Variants in NCAM2 observed in about 807,000 individuals in gnomAD.
NCAM2 encodes the protein neural cell adhesion molecule 2.
Under a neutral mutation model 98.1 loss-of-function variants are expected in NCAM2, and 30 were observed. That is an observed-to-expected ratio of 0.31 (90% confidence interval 0.23 to 0.41). NCAM2 has a LOEUF of 0.41. Ranked by LOEUF, NCAM2 falls within the 10% of genes least tolerant of loss-of-function variation. The pLI is 1.00. For missense variants in NCAM2, 867 were observed against 1,005.8 expected (o/e 0.86, Z 1.87); for synonymous variants, 368 against 342.4 (o/e 1.07, Z -0.83).
At chr21:21,069,777 TTTC>T (rs1425699586) in intron 1 of NCAM2, among the ~76,000 whole-genome samples, 3 of 152,070 alleles carry the variant, frequency 2.0e-5, no homozygotes, top group Non-Finnish European at 4.4e-5. Flanking sequence ...GAATTTTACG[TTTC>T]TTATTTCCAA....
chr21:21,157,735 A>G (rs942427556), intron 1 of NCAM2, among the ~76,000 whole-genome samples: 1 of 152,118 alleles, frequency 6.6e-6, no homozygotes, highest in Non-Finnish European at 1.5e-5. Flanking sequence ...CATTTTTACT[A>G]CACAGTTTCT....
intron 15 of NCAM2, among the ~76,000 whole-genome samples, chr21:21,496,550 C>T (rs1987251738): frequency 6.6e-6 from 1 of 151,990 alleles, no homozygotes; most frequent in East Asian, 1.9e-4. Context: ...TATTTTCCCC[C>T]GTTCTGTAGA....
intron 16 of NCAM2, among the ~76,000 whole-genome samples, chr21:21,513,618 G>T (rs762486682): frequency 6.6e-6 from 1 of 152,038 alleles, no homozygotes; most frequent in African/African-American, 2.4e-5. Flanking sequence ...CCTAACATAC[G>T]ATCTATTCTT....
At chr21:21,423,392 A>G (rs1253640630) in intron 11 of NCAM2, among the ~76,000 whole-genome samples, 2 of 152,202 alleles carry the variant, frequency 1.3e-5, no homozygotes, top group Non-Finnish European at 2.9e-5. Context: ...TTAGGTAGGT[A>G]TTATTATGGC....
intron 1 of NCAM2, among the ~76,000 whole-genome samples, chr21:21,278,814 A>T (rs1484526065): frequency 6.6e-6 from 1 of 152,086 alleles, no homozygotes; most frequent in Admixed American, 6.6e-5. Context: ...TTTTTGGTAA[A>T]TATTTTGTTG....
chr21:21,498,471 C>T (rs1987403309), intron 15 of NCAM2, among the ~76,000 whole-genome samples: 1 of 152,032 alleles, frequency 6.6e-6, no homozygotes, highest in East Asian at 1.9e-4. Flanking sequence ...ACCCATACAG[C>T]TCTCATTCAA....
At chr21:21,494,835 A>AT (rs948138453) in intron 15 of NCAM2, among the ~76,000 whole-genome samples, 2 of 151,854 alleles carry the variant, frequency 1.3e-5, no homozygotes, top group African/African-American at 4.8e-5. Context: ...TAAAATATTT[A>AT]TTTTTAAAAT....
chr21:21,518,219 G>A (rs1602544755), intron 16 of NCAM2, among the ~76,000 whole-genome samples: 1 of 151,910 alleles, frequency 6.6e-6, no homozygotes, highest in Non-Finnish European at 1.5e-5. Flanking sequence ...TTACTAGATT[G>A]TTTGTCTATG....
At chr21:21,211,761 A>G (rs1005078302) in intron 1 of NCAM2, among the ~76,000 whole-genome samples, 6 of 152,148 alleles carry the variant, frequency 3.9e-5, no homozygotes, top group Admixed American at 6.5e-5. Flanking sequence ...CTCTCATGGA[A>G]TATTAACTTC....
At chr21:21,091,413 T>A (rs2066009238) in intron 1 of NCAM2, among the ~76,000 whole-genome samples, 1 of 152,204 alleles carries the variant, frequency 6.6e-6, no homozygotes, top group Non-Finnish European at 1.5e-5. Flanking sequence ...TCAATTTTTT[T>A]AATTGACACA....
chr21:21,263,697 A>G (rs1601803891), intron 1 of NCAM2, among the ~76,000 whole-genome samples: 1 of 152,290 alleles, frequency 6.6e-6, no homozygotes, highest in East Asian at 1.9e-4. Context: ...ATGCAAAAAT[A>G]TAGCCACACA....
chr21:21,064,986 C>G (rs546448520), intron 1 of NCAM2, among the ~76,000 whole-genome samples: 1 of 151,968 alleles, frequency 6.6e-6, no homozygotes, highest in Non-Finnish European at 1.5e-5. Flanking sequence ...TCAAGAGCAG[C>G]CTGACCAACA....
At chr21:21,317,083 C>T (rs376210238) in intron 5 of NCAM2, among the ~76,000 whole-genome samples, 7 of 152,204 alleles carry the variant, frequency 4.6e-5, no homozygotes, top group East Asian at 1.9e-4. Context: ...ACCAAGCCCA[C>T]AGCTGCCCTT....
chr21:21,450,827 CACACACAT>C lies in NCAM2; in HGVS notation c.1655-15777_1655-15770del, dbSNP rs768765078. On this transcript the variant is annotated intron_variant, in intron 12 of 17. Transcript: ENST00000400546. ...ACACACACACACACACACACACACA[CACACACAT>C]ATCTCCTGTCACCAAAGGGGATTCC... Among the ~76,000 whole-genome samples, 1,025 of 150,330 alleles carry C rather than the reference CACACACAT, an allele frequency of 6.8e-3. 8 individuals are homozygous for C. The highest frequency in any genetic ancestry group is 0.024 in the African/African-American group (979 of 41,042).
chr21:21,216,350 G>A (rs947722900), intron 1 of NCAM2, among the ~76,000 whole-genome samples: 6 of 152,196 alleles, frequency 3.9e-5, no homozygotes, highest in Admixed American at 3.9e-4. Flanking sequence ...GGGTACTGCT[G>A]TGTTTTCAGG....
At chr21:21,336,000 A>G (rs1170774798) in intron 7 of NCAM2, among the ~76,000 whole-genome samples, 1 of 152,158 alleles carries the variant, frequency 6.6e-6, no homozygotes, top group Non-Finnish European at 1.5e-5. Context: ...CTTACAATAT[A>G]GTTCAAAAGG....
rs1990122230 is a variant in NCAM2, at chr21:21,538,942, T to C, written c.*985T>C. The stretch of plus-strand genomic sequence containing the variant: ...TTAAGAACTAATTTTACCACTGTTA[T>C]AGGTTCACCATTAAATATAATTGGC... On this transcript the variant is annotated 3_prime_UTR_variant, in exon 18 of 18. Transcript: ENST00000400546. 1 of 152,164 alleles carries C rather than the reference T, an allele frequency of 6.6e-6. No individual in the cohort carries two copies. The highest frequency in any genetic ancestry group is 2.4e-5 in the African/African-American group (1 of 41,468). The allele number at this position is 152,164 out of a possible 1,614,324, so 9.4% of individuals were successfully genotyped here. A position where few individuals can be genotyped will look rare whatever the true frequency, so the allele number is the denominator to read the frequency against.
At chr21:21,475,129 G>A (rs1258704898) in intron 14 of NCAM2, among the ~76,000 whole-genome samples, 3 of 151,682 alleles carry the variant, frequency 2.0e-5, no homozygotes, top group Non-Finnish European at 2.9e-5. Flanking sequence ...ATGCATCTAA[G>A]GCTTAAAATC....
chr21:21,458,868 A>G (rs1982546603), intron 12 of NCAM2, among the ~76,000 whole-genome samples: 1 of 152,160 alleles, frequency 6.6e-6, no homozygotes, highest in Admixed American at 6.5e-5. Flanking sequence ...AAGATGAAAA[A>G]CTTCCGCACA....
Sources: allele counts gnomAD v4.1 joint callset (sites outside exome capture counted in the v4.1 genomes callset), GRCh38; gene constraint gnomAD v4.1.1; transcripts MANE v1.5; gene names NCBI Gene and HGNC (gene_info 2026-07-23, HGNC 2026-07-21).